The following GTF2IRD1 variants were observed in gnomAD, a reference collection of about 807,000 sequenced individuals.
GTF2IRD1 encodes general transcription factor II-I repeat domain-containing protein 1.
Under a neutral mutation model 113.2 loss-of-function variants are expected in GTF2IRD1, and 26 were observed. The ratio of observed to expected loss-of-function variants is 0.23; its 90% confidence interval spans 0.17 to 0.32. The LOEUF is 0.32. Among genes scored for constraint, GTF2IRD1 ranks in the 10% least tolerant of loss-of-function variants. The pLI, the probability that GTF2IRD1 is intolerant of heterozygous loss-of-function variation, is 1.00. For synonymous variants in GTF2IRD1, 484 were observed against 529.1 expected (o/e 0.91, Z 1.17); for missense variants, 864 against 1,280.8 (o/e 0.67, Z 4.97).
intron 1 of GTF2IRD1, among the ~76,000 whole-genome samples, chr7:74,476,366 C>CTT (rs61151844): frequency 1.6e-5 from 2 of 122,166 alleles, no homozygotes; most frequent in South Asian, 2.6e-4. Flanking sequence ...TCTGAACCTC[C>CTT]TTTTTTTTTT....
At chr7:74,511,148 C>T (rs950275238) in intron 2 of GTF2IRD1, among the ~76,000 whole-genome samples, 1 of 152,012 alleles carries the variant, frequency 6.6e-6, no homozygotes. Context: ...CCTAGCAGTG[C>T]GAACAAGACA....
At chr7:74,518,393 G>C in intron 5 of GTF2IRD1, 71 bp downstream of exon 5, 4 of 1,267,962 alleles carry the variant, frequency 3.2e-6, no homozygotes, top group Non-Finnish European at 4.3e-6. Flanking sequence ...GGGGCTGGAG[G>C]CCACTTAGCC....
chr7:74,576,155 G>A (rs1440292041), intron 22 of GTF2IRD1, among the ~76,000 whole-genome samples: 1 of 151,930 alleles, frequency 6.6e-6, no homozygotes, highest in Non-Finnish European at 1.5e-5. Flanking sequence ...GTGAGACCCT[G>A]TCTCAAAAAA....
At chr7:74,495,299 C>T (rs1208398555) in intron 1 of GTF2IRD1, among the ~76,000 whole-genome samples, 2 of 152,202 alleles carry the variant, frequency 1.3e-5, no homozygotes, top group East Asian at 1.9e-4. Context: ...GAGCATTTCC[C>T]GCTGGACAGC....
At position 74,555,118 on chromosome 7, in the gene GTF2IRD1, G is replaced by C; in HGVS notation, c.1917-56G>C. 1 of 1,528,656 alleles carries C rather than the reference G, an allele frequency of 6.5e-7. No individual in the cohort carries two copies. The highest frequency in any genetic ancestry group is 1.7e-4 in the Middle Eastern group (1 of 5,886). The allele number at this position is 1,528,656 out of a possible 1,614,324, so 94.7% of individuals were successfully genotyped here. On this transcript the variant is annotated intron_variant, in intron 17 of 26. Coordinates refer to ENST00000424337, the MANE Select transcript of GTF2IRD1 (RefSeq NM_005685.4). The surrounding 1 kb of genome is among the most constrained non-coding windows in gnomAD (Gnocchi z 5.3). ...ACTGAGGCCCAGAGAGGAGGGCTGA[G>C]CAGTCCCAGAGATGCTTGGAGGGAC...
At chr7:74,509,799 A>G (rs1796520113) in intron 2 of GTF2IRD1, among the ~76,000 whole-genome samples, 1 of 151,880 alleles carries the variant, frequency 6.6e-6, no homozygotes, top group Non-Finnish European at 1.5e-5. Context: ...CAGCCTCCCC[A>G]GTAGCTGGGA....
At chr7:74,598,653 G>A (rs1439656657) in intron 25 of GTF2IRD1, among the ~76,000 whole-genome samples, 20 of 151,874 alleles carry the variant, frequency 1.3e-4, no homozygotes, top group South Asian at 4.2e-4. Context: ...AGACACAGAA[G>A]GCCACATGAA....
chr7:74,551,861 G>A (rs1488437749), intron 17 of GTF2IRD1, among the ~76,000 whole-genome samples: 2 of 151,932 alleles, frequency 1.3e-5, no homozygotes, highest in Non-Finnish European at 2.9e-5. Context: ...ACTTGAACCT[G>A]GGAGGTGGAG....
chr7:74,471,968 G>T (rs111341588), intron 1 of GTF2IRD1, among the ~76,000 whole-genome samples: 1 of 152,090 alleles, frequency 6.6e-6, no homozygotes, highest in Non-Finnish European at 1.5e-5. Flanking sequence ...CTCCAGCCTA[G>T]GCGACAGAAT....
chr7:74,559,100 G>GT, intron 21 of GTF2IRD1, 56 bp downstream of exon 21: 1 of 1,487,132 alleles, frequency 6.7e-7, no homozygotes, highest in Non-Finnish European at 9.3e-7. Context: ...ATGGGAGCTT[G>GT]CACCTGCGAA....
chr7:74,574,982 T>C (rs921046793), intron 22 of GTF2IRD1, among the ~76,000 whole-genome samples: 10 of 151,828 alleles, frequency 6.6e-5, no homozygotes, highest in East Asian at 1.9e-4. Context: ...CCCAGCTACT[T>C]GGGAGGCTGA....
At chr7:74,521,354 G>A in intron 7 of GTF2IRD1, 57 bp downstream of exon 7, 9 of 1,027,280 alleles carry the variant, frequency 8.8e-6, no homozygotes, top group Non-Finnish European at 1.2e-5. Context: ...GTTGGAGGTG[G>A]TGCTTATTGA....
intron 9 of GTF2IRD1, 54 bp downstream of exon 9, chr7:74,529,971 A>T (rs1797862750): frequency 7.4e-7 from 1 of 1,359,824 alleles, no homozygotes; most frequent in African/African-American, 1.4e-5. Context: ...GCACTTTGGG[A>T]GGCCAAGGCA....
chr7:74,551,251 A>G (rs587613074), intron 17 of GTF2IRD1, among the ~76,000 whole-genome samples: 1 of 152,140 alleles, frequency 6.6e-6, no homozygotes, highest in African/African-American at 2.4e-5. Flanking sequence ...GCTGAGGCTC[A>G]AGAATCACTT....
At chr7:74,602,201 C>A in intron 26 of GTF2IRD1, 164 bp from the exon 27 acceptor site, 1 of 718,478 alleles carries the variant, frequency 1.4e-6, no homozygotes, top group Non-Finnish European at 2.0e-6. Flanking sequence ...GAGATTGCAT[C>A]ACTGCACTCC....
intron 12 of GTF2IRD1, 107 bp downstream of exon 12, chr7:74,538,280 T>C: frequency 8.8e-7 from 1 of 1,136,252 alleles, no homozygotes; most frequent in Non-Finnish European, 1.3e-6. Context: ...GAGCCTGGAG[T>C]GCTAACGAGC....
At chr7:74,575,353 G>A (rs1554364197) in intron 22 of GTF2IRD1, among the ~76,000 whole-genome samples, 2 of 152,162 alleles carry the variant, frequency 1.3e-5, no homozygotes, top group African/African-American at 4.8e-5. Context: ...GAAGGTCAGG[G>A]GAAGTGAGAG....
intron 3 of GTF2IRD1, 175 bp from the exon 4 acceptor site, chr7:74,515,266 G>T: frequency 7.4e-7 from 1 of 1,352,764 alleles, no homozygotes; most frequent in African/African-American, 1.4e-5. Context: ...CTGGCCCTCA[G>T]TGGGGTGGTT....
chr7:74,599,507 C>A (rs1361330721), intron 25 of GTF2IRD1, among the ~76,000 whole-genome samples: 1 of 152,042 alleles, frequency 6.6e-6, no homozygotes, highest in Non-Finnish European at 1.5e-5. Context: ...CAGAGAGGTT[C>A]ATCAGTTTTC....
Sources: gnomAD v4.1 joint callset for allele counts (sites outside exome capture counted in the v4.1 genomes callset) on GRCh38, gnomAD v4.1.1 for gene constraint, Gnocchi (gnomAD v3.1) non-coding constraint, MANE v1.5 for transcripts, NCBI Gene and HGNC (gene_info 2026-07-23, HGNC 2026-07-21) for gene names.